Variants in LETM1 observed in about 807,000 individuals in gnomAD.
LETM1 encodes mitochondrial proton/calcium exchanger protein.
In LETM1, 50 loss-of-function variants were observed where a neutral mutation model predicts 74.5. That is an observed-to-expected ratio of 0.67 (90% CI 0.53 to 0.85). LETM1 has a LOEUF of 0.85. LETM1 is among the 40% of genes least tolerant of loss of function. LETM1 has a pLI of 0.00. For missense variants in LETM1, 824 were observed against 967.8 expected (o/e 0.85, Z 1.97); for synonymous variants, 446 against 407.1 (o/e 1.10, Z -1.15).
intron 2 of LETM1, 45 bp downstream of exon 2, chr4:1,849,104 C>T (rs757311878): frequency 7.2e-7 from 1 of 1,391,848 alleles, no homozygotes; most frequent in African/African-American, 1.4e-5. Context: ...ATTTTCAAAC[C>T]CTGTTTTCAA....
At position 1,814,025 on chromosome 4, in the gene LETM1, G is replaced by A; in HGVS notation, c.*399C>T. 1 of 225,854 alleles carries A rather than the reference G, an allele frequency of 4.4e-6. No homozygotes were observed. The highest frequency in any genetic ancestry group is 8.9e-6 in the Non-Finnish European group (1 of 112,282). 14.0% of individuals were successfully genotyped at this position (225,854 alleles called of 1,614,324 possible). A position where few individuals can be genotyped will look rare whatever the true frequency, so the allele number is the denominator to read the frequency against. ...AGGCTGTGTCTCCTGACGCCCCTGA[G>A]GGTGGGCACAGCAGCCAGCTCTGTG... On this transcript the variant is annotated 3_prime_UTR_variant, in exon 14 of 14. Transcript: ENST00000302787.
Position 1,841,540 on chromosome 4 carries a change from A to G in LETM1, c.401T>C (p.Leu134Pro). 6.2e-7 allele frequency: 1 copy of G among 1,614,230 alleles called. No homozygotes were observed. The highest frequency in any genetic ancestry group is 1.1e-5 in the South Asian group (1 of 91,088). The change falls in exon 3 of 14, where the codon CTG becomes CCG. Residue 134 changes from leucine (L) to proline (P), a missense_variant. By Grantham distance (98) the Leu-to-Pro change is moderately conservative (BLOSUM62 -3). Transcript: ENST00000302787. ...GCTGTACACCGGGCCGCCTTCCTCC[A>G]GCTTCTTGTTCTTGTCCTTCAAGGA... The part of the protein sequence containing the change: ...LKSLKDKNKK[L>P]EEGGPVYSPP...
chr4:1,822,879 A>C, intron 9 of LETM1, 109 bp downstream of exon 9: 4 of 1,081,748 alleles, frequency 3.7e-6, no homozygotes, highest in Non-Finnish European at 4.7e-6. Flanking sequence ...CATGCAGGAC[A>C]GAGCTGCAGG....
Position 1,822,218 on chromosome 4 carries a change from G to A in LETM1, c.1571C>T (p.Thr524Ile). 2 of 1,519,848 alleles carry A rather than the reference G, an allele frequency of 1.3e-6. No individual in the cohort carries two copies. Among genetic ancestry groups the A allele is most frequent in the Admixed American group, 1.9e-5 (1 of 51,970 alleles). The allele number at this position is 1,519,848 out of a possible 1,614,324, so 94.1% of individuals were successfully genotyped here. A position where few individuals can be genotyped will look rare whatever the true frequency, so the allele number is the denominator to read the frequency against. ...EMPDTVLQSE[T>I]LKDTAPVLEG... ...CAGCACCGGGGCAGTGTCCTTCAAG[G>A]TCTCTGACTGCAGGACTGTGTCAGG... The change falls in exon 10 of 14, where the codon ACC becomes ATC. Residue 524 changes from threonine to isoleucine, a missense_variant. Physicochemically the swap from Thr to Ile is moderately conservative, Grantham distance 89. Coordinates refer to ENST00000302787, the MANE Select transcript of LETM1 (RefSeq NM_012318.3).
Position 1,832,725 on chromosome 4 carries a change from G to A in LETM1, c.1080+19C>T, listed in dbSNP as rs759769112. ...AGGTAAAACACCAGAGCTGTGGCGCGGAGTATGGCCAGGCTCACCTTGTCG... is the reference window on the plus strand; with the variant it reads ...AGGTAAAACACCAGAGCTGTGGCGCAGAGTATGGCCAGGCTCACCTTGTCG... On this transcript the variant is annotated intron_variant, in intron 6 of 13. Coordinates refer to ENST00000302787, the MANE Select transcript of LETM1 (RefSeq NM_012318.3). 29 of 1,610,270 alleles carry A rather than the reference G, an allele frequency of 1.8e-5. No homozygotes were observed. The highest frequency in any genetic ancestry group is 2.7e-5 in the African/African-American group (2 of 74,824).
chr4:1,825,934 C>T (rs1711971821), intron 6 of LETM1, among the ~76,000 whole-genome samples: 1 of 152,078 alleles, frequency 6.6e-6, no homozygotes. Context: ...GTCCTGATGG[C>T]AGAACCAGCC....
At position 1,823,079 on chromosome 4, in the gene LETM1, T is replaced by C; in HGVS notation, c.1385A>G (p.Asn462Ser). ...CAGCGTGGCCTCCAGCTTGGCCTTG[T>C]TGTCCACCTGCTCGCCCTCCACCTC... ...VAEVEGEQVDNKAKLEATLQE... is the reference protein window; with the variant it reads ...VAEVEGEQVDSKAKLEATLQE... Residue 462 changes from asparagine (N) to serine (S), a missense_variant, in exon 9 of 14, where the codon AAC becomes AGC. By Grantham distance (46) the Asn-to-Ser change is conservative. Transcript: ENST00000302787. 1 of 1,610,490 alleles carries C rather than the reference T, an allele frequency of 6.2e-7. No homozygotes were observed. The highest frequency in any genetic ancestry group is 8.5e-7 in the Non-Finnish European group (1 of 1,177,994).
intron 5 of LETM1, 47 bp from the exon 6 acceptor site, chr4:1,832,994 G>A (rs765180941): frequency 4.4e-5 from 70 of 1,581,958 alleles, no homozygotes; most frequent in Admixed American, 6.7e-5. Flanking sequence ...GCGCCCACCC[G>A]GCTCCCTCCC....
intron 7 of LETM1, among the ~76,000 whole-genome samples, chr4:1,825,274 T>C (rs910126906): frequency 6.6e-6 from 1 of 152,218 alleles, no homozygotes; most frequent in African/African-American, 2.4e-5. Flanking sequence ...CTCATCTGAC[T>C]ACAGATAACC....
intron 1 of LETM1, among the ~76,000 whole-genome samples, chr4:1,854,270 A>C (rs1382561865): frequency 6.6e-6 from 1 of 150,656 alleles, no homozygotes; most frequent in Non-Finnish European, 1.5e-5. Context: ...TCACGAGGTC[A>C]GGAGTTCAAG....
intron 11 of LETM1, 27 bp downstream of exon 11, chr4:1,819,311 A>G (rs928049816): frequency 6.3e-7 from 1 of 1,586,944 alleles, no homozygotes; most frequent in Admixed American, 1.8e-5. Flanking sequence ...TTGCAGTCTC[A>G]GAGTCCAGGG....
chr4:1,826,579 G>A (rs1419259094), intron 6 of LETM1, among the ~76,000 whole-genome samples: 2 of 152,218 alleles, frequency 1.3e-5, no homozygotes, highest in Admixed American at 1.3e-4. Flanking sequence ...TCTCTGAACA[G>A]GATCATGCAG....
At chr4:1,817,968 T>C (rs2108835607) in intron 11 of LETM1, among the ~76,000 whole-genome samples, 1 of 152,270 alleles carries the variant, frequency 6.6e-6, no homozygotes, top group East Asian at 1.9e-4. Context: ...TTTGCAGAAA[T>C]GGTGTTTCAC....
intron 3 of LETM1, among the ~76,000 whole-genome samples, chr4:1,838,087 G>T (rs1218601392): frequency 6.6e-6 from 1 of 151,954 alleles, no homozygotes; most frequent in Admixed American, 6.6e-5. Flanking sequence ...CAGTGCACAG[G>T]ATTATCTTTT....
intron 1 of LETM1, among the ~76,000 whole-genome samples, chr4:1,851,790 C>G (rs1395155059): frequency 2.6e-5 from 4 of 152,306 alleles, no homozygotes; most frequent in Non-Finnish European, 5.9e-5. Context: ...AGGGCTCCGC[C>G]CGGCAAGCAG....
chr4:1,840,399 G>A (rs576175553), intron 3 of LETM1, among the ~76,000 whole-genome samples: 1 of 151,754 alleles, frequency 6.6e-6, no homozygotes, highest in Non-Finnish European at 1.5e-5. Context: ...TGGGCGCGGT[G>A]GTTCACGCCT....
rs549449284 is a variant in LETM1 at position 1,817,914 on chromosome 4, G to A, written c.1744-1000C>T. On this transcript the variant is annotated intron_variant, in intron 11 of 13. Coordinates refer to ENST00000302787, the MANE Select transcript of LETM1 (RefSeq NM_012318.3). ...CCTGCCTCAGTCTCTGGAGTAGCTG[G>A]GAGTACAGGCACACAACATCATGCC... Among the ~76,000 whole-genome samples, 270 of 152,228 alleles carry A rather than the reference G, an allele frequency of 1.8e-3. 1 individual carries two copies. The South Asian group carries it at 0.023, about 13-fold the overall frequency.
At chr4:1,814,985 T>C (rs1043925430) in intron 13 of LETM1, among the ~76,000 whole-genome samples, 9 of 152,184 alleles carry the variant, frequency 5.9e-5, no homozygotes, top group African/African-American at 2.2e-4. Flanking sequence ...GCTTCCAAAC[T>C]GAACTGCAAG....
At chr4:1,848,675 C>T (rs1246262830) in intron 2 of LETM1, among the ~76,000 whole-genome samples, 3 of 134,386 alleles carry the variant, frequency 2.2e-5, no homozygotes, top group African/African-American at 8.5e-5. Context: ...AAGCATGTGC[C>T]ACTGCACTCC....
Sources: gnomAD v4.1 joint callset for allele counts (sites outside exome capture counted in the v4.1 genomes callset) on GRCh38, gnomAD v4.1.1 for gene constraint, MANE v1.5 for transcripts, NCBI Gene and HGNC (gene_info 2026-07-23, HGNC 2026-07-21) for gene names.